Variants in SUGCT observed in about 807,000 individuals in gnomAD.
SUGCT encodes the protein succinyl-CoA:glutarate-CoA transferase, also known as succinyl-CoA:glutarate CoA-transferase.
A neutral mutation model predicts 55.0 loss-of-function variants in SUGCT; 41 were observed. That is an observed-to-expected ratio of 0.74 (90% CI 0.58 to 0.97). The LOEUF (loss-of-function observed/expected upper bound fraction) is 0.97. SUGCT is among the 50% of genes least tolerant of loss of function. The probability of loss-of-function intolerance (pLI) is 0.00; values close to 1 mark genes in which losing one functional copy is unlikely to be tolerated. For synonymous variants in SUGCT, 187 were observed against 200.4 expected (o/e 0.93, Z 0.56); for missense variants, 568 against 547.8 (o/e 1.04, Z -0.37).
chr7:40,776,560 T>C (rs1789463957), intron 13 of SUGCT, among the ~76,000 whole-genome samples: 1 of 152,230 alleles, frequency 6.6e-6, no homozygotes. Context: ...GCTCTTACTT[T>C]TTCTGAACCT....
At chr7:40,595,515 C>T (rs562160458) in intron 12 of SUGCT, among the ~76,000 whole-genome samples, 2 of 152,228 alleles carry the variant, frequency 1.3e-5, no homozygotes, top group African/African-American at 4.8e-5. Context: ...GAGGACAAGT[C>T]CTCACATTGT....
chr7:40,354,749 T>C (rs752679484), intron 9 of SUGCT, among the ~76,000 whole-genome samples: 59 of 152,156 alleles, frequency 3.9e-4, no homozygotes, highest in Non-Finnish European at 1.2e-4. Flanking sequence ...ACTGTGGGAA[T>C]AATGAGGAGT....
intron 10 of SUGCT, among the ~76,000 whole-genome samples, chr7:40,452,149 C>A (rs1363483200): frequency 6.6e-6 from 1 of 152,112 alleles, no homozygotes; most frequent in Non-Finnish European, 1.5e-5. Context: ...GGAGTGGGAG[C>A]AAGAATATTG....
chr7:40,918,912 G>C, the SUGCT span, among the ~76,000 whole-genome samples: 1 of 152,118 alleles, frequency 6.6e-6, no homozygotes, highest in Non-Finnish European at 1.5e-5. Context: ...AGAAGGATCT[G>C]GTATCTGTGG....
chr7:40,761,985 C>G (rs1469388276), intron 13 of SUGCT, among the ~76,000 whole-genome samples: 1 of 152,144 alleles, frequency 6.6e-6, no homozygotes, highest in African/African-American at 2.4e-5. Flanking sequence ...GCCAGGAGCA[C>G]GCCCCGGGGA....
At chr7:40,852,585 T>C (rs1793903912) in intron 13 of SUGCT, among the ~76,000 whole-genome samples, 1 of 151,216 alleles carries the variant, frequency 6.6e-6, no homozygotes. Context: ...TTCTGTTAAA[T>C]TACATGCTAG....
chr7:40,472,681 A>G (rs1790461369), intron 11 of SUGCT, among the ~76,000 whole-genome samples: 1 of 152,114 alleles, frequency 6.6e-6, no homozygotes, highest in Non-Finnish European at 1.5e-5. Context: ...TAAAAACTTC[A>G]GGGATCTGAC....
the SUGCT span, among the ~76,000 whole-genome samples, chr7:40,954,329 A>C: frequency 6.6e-6 from 1 of 152,156 alleles, no homozygotes; most frequent in African/African-American, 2.4e-5. Flanking sequence ...GGAGTGACCC[A>C]ATTTTCCAGG....
At chr7:41,038,552 T>G in the SUGCT span, among the ~76,000 whole-genome samples, 36 of 152,290 alleles carry the variant, frequency 2.4e-4, no homozygotes, top group African/African-American at 8.2e-4. Flanking sequence ...AACTCTTCTG[T>G]GACCGGTGCT....
intron 9 of SUGCT, among the ~76,000 whole-genome samples, chr7:40,379,060 CT>C (rs1784743539): frequency 6.6e-6 from 1 of 152,020 alleles, no homozygotes; most frequent in Admixed American, 6.6e-5. Flanking sequence ...CAGAAGATGT[CT>C]TGAGACACAG....
intron 13 of SUGCT, among the ~76,000 whole-genome samples, chr7:40,774,406 C>T (rs538667784): frequency 6.6e-6 from 1 of 152,122 alleles, no homozygotes; most frequent in Non-Finnish European, 1.5e-5. Context: ...ATAAATGTGT[C>T]TGTTGCTTTC....
intron 6 of SUGCT, among the ~76,000 whole-genome samples, chr7:40,235,238 G>T (rs546138854): frequency 6.6e-6 from 1 of 152,066 alleles, no homozygotes; most frequent in Non-Finnish European, 1.5e-5. Context: ...TTCTGGTGGC[G>T]AATGCATCTG....
intron 9 of SUGCT, among the ~76,000 whole-genome samples, chr7:40,344,131 G>C (rs961027577): frequency 6.6e-6 from 1 of 152,198 alleles, no homozygotes; most frequent in African/African-American, 2.4e-5. Context: ...CTTCCTTGCT[G>C]AAACTTGTGA....
chr7:40,285,562 A>T (rs375023816), intron 8 of SUGCT, among the ~76,000 whole-genome samples: 1 of 151,948 alleles, frequency 6.6e-6, no homozygotes, highest in South Asian at 2.1e-4. Flanking sequence ...CTAATCAATC[A>T]GTGGTGACTA....
chr7:40,430,117 G>T (rs993263944), intron 9 of SUGCT, among the ~76,000 whole-genome samples: 3 of 152,130 alleles, frequency 2.0e-5, no homozygotes, highest in Admixed American at 2.0e-4. Context: ...GACTAATGCT[G>T]CAATGAACAT....
intron 6 of SUGCT, among the ~76,000 whole-genome samples, chr7:40,228,194 C>T (rs969794546): frequency 6.6e-6 from 1 of 151,866 alleles, no homozygotes; most frequent in African/African-American, 2.4e-5. Context: ...TTCTTTCTTT[C>T]CTTTTTTGTC....
At chr7:40,651,828 A>C (rs1027245004) in intron 12 of SUGCT, among the ~76,000 whole-genome samples, 1 of 151,748 alleles carries the variant, frequency 6.6e-6, no homozygotes, top group African/African-American at 2.4e-5. Flanking sequence ...TTTTTGTTTG[A>C]GTTTATGCGT....
chr7:40,889,343 G>A, the SUGCT span, among the ~76,000 whole-genome samples: 1 of 152,156 alleles, frequency 6.6e-6, no homozygotes, highest in African/African-American at 2.4e-5. Flanking sequence ...AATCCTTGAG[G>A]GTTATGTGTT....
the SUGCT span, among the ~76,000 whole-genome samples, chr7:41,006,802 G>A: frequency 2.0e-5 from 3 of 152,120 alleles, no homozygotes; most frequent in Non-Finnish European, 4.4e-5. Flanking sequence ...TCTCCTTCTT[G>A]ACTTTTTTTC....
Sources: allele counts gnomAD v4.1 joint callset (sites outside exome capture counted in the v4.1 genomes callset), GRCh38; gene constraint gnomAD v4.1.1; transcripts MANE v1.5; gene names NCBI Gene and HGNC (gene_info 2026-07-23, HGNC 2026-07-21).